The following NTM variants were observed in gnomAD, a reference collection of about 807,000 sequenced individuals.
NTM encodes neurotrimin.
NTM carries 13 observed loss-of-function variants against 42.1 expected under a neutral mutation model. The ratio of observed to expected loss-of-function variants is 0.31; its 90% CI spans 0.20 to 0.49. NTM has a LOEUF of 0.49. NTM is among the 20% of genes least tolerant of loss of function. NTM has a pLI of 0.99. For synonymous variants in NTM, 187 were observed against 179.2 expected, an observed-to-expected ratio of 1.04 and a Z score of -0.35; for missense variants, 373 against 452.8, an observed-to-expected ratio of 0.82 and a Z score of 1.60.
intron 1 of NTM, among the ~76,000 whole-genome samples, chr11:131,688,657 C>T (rs542342570): frequency 7.2e-4 from 109 of 152,356 alleles, no homozygotes; most frequent in African/African-American, 2.5e-3. Flanking sequence ...CAGCATCTAC[C>T]AGGCAGCAGG....
intron 1 of NTM, among the ~76,000 whole-genome samples, chr11:131,755,147 A>T (rs770230135): frequency 3.3e-5 from 5 of 152,228 alleles, no homozygotes; most frequent in Non-Finnish European, 7.3e-5. Context: ...ATCAAAACTT[A>T]TTGAGCCACA....
At chr11:131,688,987 T>A (rs999734903) in intron 1 of NTM, among the ~76,000 whole-genome samples, 1 of 152,082 alleles carries the variant, frequency 6.6e-6, no homozygotes, top group East Asian at 1.9e-4. Flanking sequence ...AGTTAGCTAG[T>A]TGGTTTTTAA....
At chr11:131,433,784 C>G (rs556001645) in intron 1 of NTM, among the ~76,000 whole-genome samples, 2 of 152,076 alleles carry the variant, frequency 1.3e-5, no homozygotes, top group African/African-American at 4.8e-5. Context: ...CTTAGGTATA[C>G]AAGGTGTTGA....
chr11:131,582,775 A>AC (rs1373082905), intron 1 of NTM, among the ~76,000 whole-genome samples: 3 of 151,628 alleles, frequency 2.0e-5, no homozygotes, highest in Non-Finnish European at 4.4e-5. Context: ...ACAAACAACA[A>AC]CCCCCACGCC....
At chr11:131,836,217 TTAAAA>T (rs2043473294) in intron 1 of NTM, among the ~76,000 whole-genome samples, 2 of 152,100 alleles carry the variant, frequency 1.3e-5, no homozygotes, top group African/African-American at 4.8e-5. Context: ...AAAACTTTTC[TTAAAA>T]TTAAGTTATG....
At chr11:131,459,289 A>G (rs1951170373) in intron 1 of NTM, among the ~76,000 whole-genome samples, 1 of 152,206 alleles carries the variant, frequency 6.6e-6, no homozygotes, top group South Asian at 2.1e-4. Context: ...CAGTTGTATC[A>G]CCCAGGTTCA....
At chr11:132,268,319 A>G (rs1177445758) in intron 4 of NTM, among the ~76,000 whole-genome samples, 2 of 152,194 alleles carry the variant, frequency 1.3e-5, no homozygotes, top group African/African-American at 2.4e-5. Flanking sequence ...CTAGCTACGT[A>G]TACACTATTA....
At chr11:131,558,224 C>A (rs1005071542) in intron 1 of NTM, among the ~76,000 whole-genome samples, 3 of 152,268 alleles carry the variant, frequency 2.0e-5, no homozygotes, top group African/African-American at 7.2e-5. Flanking sequence ...GGGAGCAGCA[C>A]AGAGCCCCTG....
intron 1 of NTM, among the ~76,000 whole-genome samples, chr11:131,654,068 T>C (rs2066857821): frequency 6.6e-6 from 1 of 152,218 alleles, no homozygotes; most frequent in Non-Finnish European, 1.5e-5. Flanking sequence ...AGCTCTCATG[T>C]GTACAGGACT....
intron 1 of NTM, among the ~76,000 whole-genome samples, chr11:131,843,461 C>G (rs781498187): frequency 2.6e-5 from 4 of 152,108 alleles, no homozygotes; most frequent in African/African-American, 7.2e-5. Context: ...ACAGATAGAC[C>G]ACCCATTCAT....
At position 131,660,498 on chromosome 11, in the gene NTM, C is replaced by T. The variant is rs112350881; in HGVS notation, c.83-251066C>T. 3.8e-3 allele frequency: 1,758 copies of T among 457,378 alleles called. 6 individuals carry two copies. Among genetic ancestry groups the T allele is most frequent in the Non-Finnish European group, 5.8e-3 (1,311 of 226,738 alleles). 28.3% of individuals were successfully genotyped at this position (457,378 alleles called of 1,614,324 possible). A position where few individuals can be genotyped will look rare whatever the true frequency, so the allele number is the denominator to read the frequency against. ...GGGAGCTGACCTTCCTCCCTCCTCC[C>T]GAGAGGCACCAGCCGGCACTGACCC... On this transcript the variant is annotated intron_variant, in intron 1 of 8. Transcript: ENST00000683400.
intron 4 of NTM, among the ~76,000 whole-genome samples, chr11:132,269,177 T>C (rs7939952): frequency 0.013 from 2,001 of 152,196 alleles, 39 homozygotes; most frequent in African/African-American, 0.043. Context: ...GGACATACAA[T>C]AGAACAAGAA....
intron 1 of NTM, among the ~76,000 whole-genome samples, chr11:131,588,180 G>A (rs1055704685): frequency 1.3e-5 from 2 of 152,208 alleles, no homozygotes; most frequent in African/African-American, 4.8e-5. Flanking sequence ...AAGACACAAT[G>A]AGAGATCTGC....
chr11:132,269,326 C>T (rs2093368112), intron 4 of NTM, among the ~76,000 whole-genome samples: 1 of 152,158 alleles, frequency 6.6e-6, no homozygotes, highest in African/African-American at 2.4e-5. Flanking sequence ...ATTAAGTCTT[C>T]CTTTTGTGCT....
At position 131,567,711 on chromosome 11, in the gene NTM, C is replaced by T. The variant is rs375702467; in HGVS notation, c.82+196823C>T. Among the ~76,000 whole-genome samples, 64 of 152,332 alleles carry T rather than the reference C, an allele frequency of 4.2e-4. 1 individual carries two copies. In the South Asian group the frequency reaches 0.012, roughly 30 times the overall value. On this transcript the variant is annotated intron_variant, in intron 1 of 8. Coordinates refer to ENST00000683400, the MANE Select transcript of NTM (RefSeq NM_001352005.2). The stretch of plus-strand genomic sequence containing the variant: ...AAATGGAAGTATGAGCCTGCATCAG[C>T]TCAGTTGTGTAAATGTTAAAGTCCT...
chr11:132,105,399 A>G (rs1462373788), intron 2 of NTM, among the ~76,000 whole-genome samples: 1 of 152,048 alleles, frequency 6.6e-6, no homozygotes, highest in Non-Finnish European at 1.5e-5. Context: ...TAGAAAAGAG[A>G]GCTATTAAAA....
chr11:131,789,880 C>A (rs1437536991), intron 1 of NTM, among the ~76,000 whole-genome samples: 1 of 134,140 alleles, frequency 7.5e-6, no homozygotes, highest in Non-Finnish European at 1.5e-5. Flanking sequence ...GGCGTGAACC[C>A]GGGAGGCGGA....
At chr11:131,594,352 A>G (rs1188393606) in intron 1 of NTM, among the ~76,000 whole-genome samples, 1 of 152,110 alleles carries the variant, frequency 6.6e-6, no homozygotes, top group Non-Finnish European at 1.5e-5. Context: ...CTTTCCCCCA[A>G]AATCTTATGT....
chr11:131,693,529 C>T (rs959108673), intron 1 of NTM, among the ~76,000 whole-genome samples: 2 of 152,176 alleles, frequency 1.3e-5, no homozygotes, highest in Non-Finnish European at 2.9e-5. Context: ...CCTGACTTCC[C>T]AGGAAATCCA....
Sources: allele counts gnomAD v4.1 joint callset (sites outside exome capture counted in the v4.1 genomes callset), GRCh38; gene constraint gnomAD v4.1.1; transcripts MANE v1.5; gene names NCBI Gene and HGNC (gene_info 2026-07-23, HGNC 2026-07-21).